Variants in PLAT observed in about 807,000 individuals in gnomAD.
PLAT encodes tissue-type plasminogen activator.
Under a neutral mutation model 74.9 loss-of-function variants are expected in PLAT, and 48 were observed. The observed-to-expected ratio is 0.64, with a 90% CI of 0.51 to 0.82. The LOEUF (loss-of-function observed/expected upper bound fraction) is 0.82. PLAT is among the 40% of genes least tolerant of loss of function. The pLI is 0.00. For missense variants in PLAT, 673 were observed against 736.2 expected (o/e 0.91, Z 0.99); for synonymous variants, 307 against 294.4 (o/e 1.04, Z -0.44).
chr8:42,205,285 G>A (rs989537886), intron 1 of PLAT, among the ~76,000 whole-genome samples: 17 of 152,128 alleles, frequency 1.1e-4, no homozygotes, highest in Admixed American at 7.2e-4. Context: ...CCAGCACTTC[G>A]GGGGGCCGAG....
In PLAT at chr8:42,176,054, G is replaced by A. The variant is rs966869491; in HGVS notation, c.1628C>T (p.Pro543Leu). Residue 543 changes from proline to leucine, a missense_variant, in exon 14 of 14, where the codon CCG becomes CTG. By Grantham distance (98) the Pro-to-Leu change is moderately conservative. Transcript: ENST00000220809. ...GTTGGTAACCTTGGTGTACACACCC[G>A]GGACATCCTTCTGTCCACAGCCCAG... is the stretch of plus-strand genomic sequence containing the variant. ...WGLGCGQKDV[P>L]GVYTKVTNYL... 12 of 1,613,866 alleles carry A rather than the reference G, an allele frequency of 7.4e-6. No individual in the cohort carries two copies. Among genetic ancestry groups the A allele is most frequent in the Admixed American group, 1.7e-5 (1 of 59,988 alleles).
At chr8:42,183,426 C>G (rs1328095978) in intron 7 of PLAT, among the ~76,000 whole-genome samples, 2 of 152,214 alleles carry the variant, frequency 1.3e-5, no homozygotes, top group Non-Finnish European at 2.9e-5. Flanking sequence ...TCAGGTTCAG[C>G]AGGAAGAACC....
At chr8:42,180,117 AG>A in intron 11 of PLAT, 51 bp from the exon 12 acceptor site, 2 of 1,587,266 alleles carry the variant, frequency 1.3e-6, no homozygotes, top group Non-Finnish European at 1.7e-6. Flanking sequence ...CGTCCCCGGG[AG>A]GGGAGGAACA....
At chr8:42,198,903 T>A (rs1213124020) in intron 1 of PLAT, among the ~76,000 whole-genome samples, 3 of 152,162 alleles carry the variant, frequency 2.0e-5, no homozygotes, top group African/African-American at 7.2e-5. Flanking sequence ...ATAGCCCAGA[T>A]GAATGCCAAC....
At position 42,187,436 on chromosome 8, in the gene PLAT, G is replaced by A. The variant is rs1058720; in HGVS notation, c.501C>T (p.Asp167=). The A allele has an allele frequency of 0.56, 896,578 of 1,599,912 alleles. 252,845 individuals carry two copies. The highest frequency in any genetic ancestry group is 0.57 in the Non-Finnish European group (674,714 of 1,177,472). ...GGTTCCCCAGGCCCAGCCTGATGGCGTCTGGCCTCCGCCCGCTGTAGGGCT... is the reference window on the plus strand; with the variant it reads ...GGTTCCCCAGGCCCAGCCTGATGGCATCTGGCCTCCGCCCGCTGTAGGGCT... The part of the protein sequence containing the change: ...AQKPYSGRRP[D]AIRLGLGNHN... Residue 167 remains aspartate, a synonymous_variant, in exon 6 of 14, where the codon GAC becomes GAT. Coordinates refer to ENST00000220809, the MANE Select transcript of PLAT (RefSeq NM_000930.5).
rs1207395493 is a variant in PLAT at position 42,180,483 on chromosome 8, C to T, written c.1085+7G>A. On this transcript the variant is annotated splice_region_variant and intron_variant, in intron 10 of 13. Transcript: ENST00000220809. The stretch of plus-strand genomic sequence containing the variant: ...TGGAAAAACCAACTGGGTTTCCGAG[C>T]CCCTACCTCTCCTGGAAGCAGTGGG... 3 of 1,613,758 alleles carry T rather than the reference C, an allele frequency of 1.9e-6. No individual in the cohort carries two copies. The African/African-American group carries it at 4.0e-5, about 22-fold the overall frequency.
At position 42,175,815 on chromosome 8, in the gene PLAT, C is replaced by T. The variant is rs145491204; in HGVS notation, c.*178G>A. Reference sequence around the variant, plus strand: ...CTGAAATCAGACCAAGTCCTGAAAACTTCCAAAATGGGAAGTATCTGGGAA... The same window carrying T: ...CTGAAATCAGACCAAGTCCTGAAAATTTCCAAAATGGGAAGTATCTGGGAA... On this transcript the variant is annotated 3_prime_UTR_variant, in exon 14 of 14. Coordinates refer to ENST00000220809, the MANE Select transcript of PLAT (RefSeq NM_000930.5). 5 of 593,470 alleles carry T rather than the reference C, an allele frequency of 8.4e-6. No individual in the cohort carries two copies. In the East Asian group the frequency reaches 1.4e-4, roughly 17 times the overall value. 36.8% of individuals were successfully genotyped at this position (593,470 alleles called of 1,614,324 possible). A position where few individuals can be genotyped will look rare whatever the true frequency, so the allele number is the denominator to read the frequency against.
At chr8:42,202,614 C>A (rs1806176196) in intron 1 of PLAT, among the ~76,000 whole-genome samples, 1 of 151,308 alleles carries the variant, frequency 6.6e-6, no homozygotes, top group South Asian at 2.1e-4. Flanking sequence ...GGAGCACCAG[C>A]CGTGCCCTGG....
chr8:42,190,978 G>C (rs137989352), intron 3 of PLAT, among the ~76,000 whole-genome samples: 29 of 152,308 alleles, frequency 1.9e-4, no homozygotes, highest in African/African-American at 6.7e-4. Context: ...CCTGGCCTCG[G>C]CTGTGACTGC....
At chr8:42,194,730 G>A (rs1427447091) in intron 1 of PLAT, among the ~76,000 whole-genome samples, 1 of 152,162 alleles carries the variant, frequency 6.6e-6, no homozygotes, top group Non-Finnish European at 1.5e-5. Flanking sequence ...GCAGGATGGA[G>A]CCTACTCCCC....
At position 42,176,047 on chromosome 8, in the gene PLAT, C is replaced by T. The variant is rs746708021; in HGVS notation, c.1635G>A (p.Val545=). ...LGCGQKDVPG[V]YTKVTNYLDW... is the part of the protein sequence containing the mutation. ...CTAGGTAGTTGGTAACCTTGGTGTACACACCCGGGACATCCTTCTGTCCAC... is the reference window on the plus strand; with the variant it reads ...CTAGGTAGTTGGTAACCTTGGTGTATACACCCGGGACATCCTTCTGTCCAC... Residue 545 remains valine (V), a synonymous_variant, in exon 14 of 14, where the codon GTG becomes GTA. Coordinates refer to ENST00000220809, the MANE Select transcript of PLAT (RefSeq NM_000930.5). The T allele has an allele frequency of 6.2e-6, 10 of 1,613,994 alleles. No individual in the cohort carries two copies. The South Asian group carries it at 1.1e-4, about 18-fold the overall frequency.
At chr8:42,203,702 T>C (rs932907240) in intron 1 of PLAT, among the ~76,000 whole-genome samples, 1 of 152,172 alleles carries the variant, frequency 6.6e-6, no homozygotes, top group Non-Finnish European at 1.5e-5. Context: ...CAGTGGCTCT[T>C]GCCTGTAATC....
At chr8:42,183,865 GC>G (rs1378658737) in intron 7 of PLAT, among the ~76,000 whole-genome samples, 3 of 151,890 alleles carry the variant, frequency 2.0e-5, no homozygotes, top group African/African-American at 7.3e-5. Context: ...AATGCATATA[GC>G]TGGTGCGTGT....
rs62001884 is a variant in PLAT, at chr8:42,176,012, C to T, written c.1670G>A (p.Arg557His). ...TCCTGGTCACGGTCGCATGTTGTCA[C>T]GAATCCAGTCTAGGTAGTTGGTAAC... Reference protein sequence around the residue: ...TKVTNYLDWIRDNMRP With the variant: ...TKVTNYLDWIHDNMRP Residue 557 changes from arginine to histidine, a missense_variant, in exon 14 of 14, where the codon CGT becomes CAT. Transcript: ENST00000220809. 1.7e-5 allele frequency: 27 copies of T among 1,613,994 alleles called. No homozygotes were observed. The African/African-American group carries it at 2.9e-4, about 18-fold the overall frequency.
At chr8:42,178,207 C>T (rs1805048043) in intron 13 of PLAT, among the ~76,000 whole-genome samples, 2 of 151,776 alleles carry the variant, frequency 1.3e-5, no homozygotes, top group Non-Finnish European at 2.9e-5. Context: ...TTTCTTCCTT[C>T]TCCTTCTACA....
rs545577699 is a variant in PLAT at position 42,180,574 on chromosome 8, C to T, written c.1001G>A (p.Arg334Lys). 16 of 1,614,044 alleles carry T rather than the reference C, an allele frequency of 9.9e-6. No homozygotes were observed. The South Asian group carries it at 1.8e-4, about 18-fold the overall frequency. ...GCACAGGAACCGCTCTCCGGGCGAC[C>T]TCCTGTGCTTGGCAAAGATGGCAGC... ...WQAAIFAKHR[R>K]SPGERFLCGG... The change falls in exon 10 of 14, where the codon AGG (arginine) becomes AAG (lysine). Residue 334 changes from arginine (R) to lysine (K), a missense_variant. Arg to Lys is a conservative substitution (Grantham distance 26). Coordinates refer to ENST00000220809, the MANE Select transcript of PLAT (RefSeq NM_000930.5).
chr8:42,178,287 T>G (rs902851464), intron 13 of PLAT, among the ~76,000 whole-genome samples: 2 of 130,324 alleles, frequency 1.5e-5, no homozygotes, highest in African/African-American at 5.8e-5. Flanking sequence ...TTTTTTTTTT[T>G]GAGATCGAGT....
intron 1 of PLAT, among the ~76,000 whole-genome samples, chr8:42,194,794 A>AC (rs8178720): frequency 5.3e-4 from 65 of 121,906 alleles, no homozygotes; most frequent in East Asian, 1.2e-3. Context: ...CTCCACGCCC[A>AC]CCCCCCCCAC....
In PLAT at chr8:42,175,871, G is replaced by A. The variant is rs1259822845; in HGVS notation, c.*122C>T. ...ACTCTTCCCTCTCCTGTAGGGTCTCGTCCCGCTTCTGCGGTGTGGTGGGTC... is the reference window on the plus strand; with the variant it reads ...ACTCTTCCCTCTCCTGTAGGGTCTCATCCCGCTTCTGCGGTGTGGTGGGTC... On this transcript the variant is annotated 3_prime_UTR_variant, in exon 14 of 14. Transcript: ENST00000220809. 8 of 916,450 alleles carry A rather than the reference G, an allele frequency of 8.7e-6. No individual in the cohort carries two copies. The highest frequency in any genetic ancestry group is 4.8e-5 in the Admixed American group (2 of 41,496). The allele number at this position is 916,450 out of a possible 1,614,324, so 56.8% of individuals were successfully genotyped here. A position where few individuals can be genotyped will look rare whatever the true frequency, so the allele number is the denominator to read the frequency against.
Sources: gnomAD v4.1 joint callset for allele counts (sites outside exome capture counted in the v4.1 genomes callset) on GRCh38, gnomAD v4.1.1 for gene constraint, MANE v1.5 for transcripts, NCBI Gene and HGNC (gene_info 2026-07-23, HGNC 2026-07-21) for gene names.